Variants in CA10 observed in about 807,000 individuals in gnomAD.
CA10 encodes the protein carbonic anhydrase-related protein 10.
In CA10, 14 loss-of-function variants were observed where a neutral mutation model predicts 44.2. The observed-to-expected ratio is 0.32, with a 90% CI of 0.21 to 0.50. The LOEUF is 0.50. Among genes scored for constraint, CA10 ranks in the 20% least tolerant of loss-of-function variants. The probability of loss-of-function intolerance (pLI) is 0.99; values close to 1 mark genes in which losing one functional copy is unlikely to be tolerated. For missense variants in CA10, 350 were observed against 409.7 expected (o/e 0.85, Z 1.26); for synonymous variants, 159 against 141.6 (o/e 1.12, Z -0.87).
At chr17:51,778,191 G>A (rs759220778) in intron 3 of CA10, among the ~76,000 whole-genome samples, 3 of 152,172 alleles carry the variant, frequency 2.0e-5, no homozygotes, top group Non-Finnish European at 4.4e-5. Flanking sequence ...TCAGATTTAT[G>A]CTGTCTTCTT....
At chr17:51,879,666 T>A (rs1980272465) in intron 3 of CA10, among the ~76,000 whole-genome samples, 1 of 152,106 alleles carries the variant, frequency 6.6e-6, no homozygotes, top group African/African-American at 2.4e-5. Flanking sequence ...GAACAGAGTG[T>A]CCCAAAGCTG....
At chr17:51,955,386 G>A (rs1291213684) in intron 2 of CA10, among the ~76,000 whole-genome samples, 1 of 152,068 alleles carries the variant, frequency 6.6e-6, no homozygotes, top group Non-Finnish European at 1.5e-5. Flanking sequence ...AGCATAGCAA[G>A]CCAGGTGCTT....
Position 52,059,131 on chromosome 17 carries a change from T to A in CA10, c.136+13188A>T, listed in dbSNP as rs2907783. On this transcript the variant is annotated intron_variant, in intron 2 of 8. Coordinates refer to ENST00000451037, the MANE Select transcript of CA10 (RefSeq NM_020178.5). Reference sequence around the variant, plus strand: ...TCTTAGAGATGAAAAATCAGAAATCTAGAGAGAGAGACTTGCATCACTGCC... The same window carrying A: ...TCTTAGAGATGAAAAATCAGAAATCAAGAGAGAGAGACTTGCATCACTGCC... 2.9e-3 allele frequency among the ~76,000 whole-genome samples: 435 copies of A among 152,258 alleles called. 2 individuals carry two copies. Among genetic ancestry groups the A allele is most frequent in the Non-Finnish European group, 3.4e-3 (228 of 68,010 alleles).
chr17:52,015,676 G>C (rs1396704089), intron 2 of CA10, among the ~76,000 whole-genome samples: 3 of 152,058 alleles, frequency 2.0e-5, no homozygotes, highest in Non-Finnish European at 4.4e-5. Flanking sequence ...ACTTCCTTGA[G>C]AGTCTGAAGG....
intron 1 of CA10, among the ~76,000 whole-genome samples, chr17:52,102,205 T>TC (rs1988556304): frequency 1.3e-5 from 2 of 152,180 alleles, no homozygotes; most frequent in Non-Finnish European, 1.5e-5. Context: ...ACCAAGATTC[T>TC]CAGGAAAACA....
chr17:51,750,467 G>A (rs1904854084), intron 3 of CA10, among the ~76,000 whole-genome samples: 1 of 151,562 alleles, frequency 6.6e-6, no homozygotes, highest in Non-Finnish European at 1.5e-5. Context: ...TTGTAAAAAT[G>A]TTTAGCTGAT....
chr17:52,078,002 T>C (rs1987861390), intron 1 of CA10, among the ~76,000 whole-genome samples: 1 of 152,220 alleles, frequency 6.6e-6, no homozygotes, highest in East Asian at 1.9e-4. Context: ...TATGTTCATA[T>C]ACCCACTGAC....
chr17:51,930,053 G>A lies in CA10; in HGVS notation c.279+937C>T, dbSNP rs78657522. Among the ~76,000 whole-genome samples the A allele has an allele frequency of 4.0e-3, 604 of 152,192 alleles. 10 individuals are homozygous for A. The East Asian group carries it at 0.049, about 12-fold the overall frequency. On this transcript the variant is annotated intron_variant, in intron 3 of 8. Coordinates refer to ENST00000451037, the MANE Select transcript of CA10 (RefSeq NM_020178.5). The stretch of plus-strand genomic sequence containing the variant: ...CAAGAAAATATATTTCAATACATCA[G>A]AAGGGGAAAAAGTTAACTTACAAAC...
chr17:52,156,261 A>T (rs926785265), intron 1 of CA10, among the ~76,000 whole-genome samples: 3 of 152,192 alleles, frequency 2.0e-5, no homozygotes, highest in Non-Finnish European at 4.4e-5. Flanking sequence ...CACCCACTTC[A>T]TATCTGGACA....
chr17:51,741,676 G>A (rs1042503298), intron 4 of CA10, among the ~76,000 whole-genome samples: 1 of 152,188 alleles, frequency 6.6e-6, no homozygotes, highest in Admixed American at 6.5e-5. Context: ...GTCAGGCACT[G>A]TGCTAGGTGC....
intron 2 of CA10, among the ~76,000 whole-genome samples, chr17:51,938,635 T>C (rs1025670924): frequency 3.3e-5 from 5 of 152,122 alleles, no homozygotes; most frequent in Admixed American, 2.6e-4. Context: ...TACTTATTTG[T>C]GCAGCAGCAG....
At chr17:51,654,990 T>G (rs539673442) in intron 4 of CA10, among the ~76,000 whole-genome samples, 1 of 152,330 alleles carries the variant, frequency 6.6e-6, no homozygotes, top group African/African-American at 2.4e-5. Flanking sequence ...TGGTTACTTG[T>G]TTTGTGCTTA....
chr17:51,947,224 CAA>C (rs1198796736), intron 2 of CA10, among the ~76,000 whole-genome samples: 169 of 52,108 alleles, frequency 3.2e-3, no homozygotes, highest in African/African-American at 0.012. Context: ...TCTTCATGTG[CAA>C]AAAAAAAAAA....
intron 2 of CA10, among the ~76,000 whole-genome samples, chr17:51,983,663 G>C (rs775500952): frequency 8.2e-4 from 125 of 151,604 alleles, no homozygotes; most frequent in Non-Finnish European, 1.4e-3. Context: ...AACAAAATAA[G>C]ACACCATGTC....
intron 4 of CA10, among the ~76,000 whole-genome samples, chr17:51,664,982 G>A (rs1914155839): frequency 6.6e-6 from 1 of 152,152 alleles, no homozygotes. Flanking sequence ...AGGAAGGAAA[G>A]ACTGAATCCT....
intron 3 of CA10, among the ~76,000 whole-genome samples, chr17:51,801,229 G>A (rs1029672118): frequency 1.3e-5 from 2 of 152,156 alleles, no homozygotes; most frequent in African/African-American, 4.8e-5. Flanking sequence ...CCACACACAT[G>A]TTCACTTTCG....
chr17:51,989,139 C>T (rs934197952), intron 2 of CA10, among the ~76,000 whole-genome samples: 12 of 150,466 alleles, frequency 8.0e-5, no homozygotes, highest in African/African-American at 2.9e-4. Flanking sequence ...GCTACTATAT[C>T]AGAATCTCTG....
chr17:52,117,285 G>A (rs1323767361), intron 1 of CA10, among the ~76,000 whole-genome samples: 1 of 152,130 alleles, frequency 6.6e-6, no homozygotes, highest in Non-Finnish European at 1.5e-5. Context: ...TTCCATTTTG[G>A]GAGAAACCTC....
chr17:51,706,142 G>A (rs1597998039), intron 4 of CA10, among the ~76,000 whole-genome samples: 1 of 152,168 alleles, frequency 6.6e-6, no homozygotes, highest in Non-Finnish European at 1.5e-5. Flanking sequence ...ATAATGGTAT[G>A]TTTACCATTG....
Sources: allele counts gnomAD v4.1 joint callset (sites outside exome capture counted in the v4.1 genomes callset), GRCh38; gene constraint gnomAD v4.1.1; transcripts MANE v1.5; gene names NCBI Gene and HGNC (gene_info 2026-07-23, HGNC 2026-07-21).